Variants in COP1 observed in about 807,000 individuals in gnomAD.
COP1 encodes the protein COP1 E3 ubiquitin ligase.
Under a neutral mutation model 101.3 loss-of-function variants are expected in COP1, and 24 were observed. The ratio of observed to expected loss-of-function variants is 0.24; its 90% CI spans 0.17 to 0.33. COP1 has a LOEUF of 0.33. COP1 is among the 10% of genes least tolerant of loss of function. The probability of loss-of-function intolerance (pLI) is 1.00; values close to 1 mark genes in which losing one functional copy is unlikely to be tolerated. For synonymous variants in COP1, 347 were observed against 341.9 expected, an observed-to-expected ratio of 1.01 and a Z score of -0.17; for missense variants, 663 against 906.2, an observed-to-expected ratio of 0.73 and a Z score of 3.45.
chr1:176,013,040 T>C (rs1657611844), intron 15 of COP1, among the ~76,000 whole-genome samples: 1 of 152,192 alleles, frequency 6.6e-6, no homozygotes, highest in Non-Finnish European at 1.5e-5. Flanking sequence ...GTGACCATAG[T>C]ATATGCTTAT....
intron 18 of COP1, among the ~76,000 whole-genome samples, chr1:175,955,252 A>G (rs1235756164): frequency 6.6e-6 from 1 of 152,022 alleles, no homozygotes; most frequent in Admixed American, 6.5e-5. Flanking sequence ...CAAAACAAAA[A>G]AAAGAAAAAG....
chr1:176,012,959 C>T (rs935196837), intron 15 of COP1, among the ~76,000 whole-genome samples: 7 of 152,130 alleles, frequency 4.6e-5, no homozygotes, highest in African/African-American at 1.7e-4. Flanking sequence ...TAGGTATCCT[C>T]GGGGGAACTG....
chr1:176,076,326 A>G (rs906487544), intron 11 of COP1, among the ~76,000 whole-genome samples: 11 of 152,330 alleles, frequency 7.2e-5, no homozygotes, highest in African/African-American at 2.6e-4. Context: ...AGATCTCTCA[A>G]AACTACACAA....
intron 11 of COP1, among the ~76,000 whole-genome samples, chr1:176,059,282 A>C (rs1674425366): frequency 2.0e-5 from 3 of 152,184 alleles, no homozygotes; most frequent in African/African-American, 7.2e-5. Context: ...TGTGAACCTA[A>C]GAAAAAAATT....
intron 11 of COP1, among the ~76,000 whole-genome samples, chr1:176,058,987 A>C (rs977244434): frequency 2.6e-5 from 4 of 152,258 alleles, no homozygotes; most frequent in Non-Finnish European, 4.4e-5. Context: ...CTGAATGCTC[A>C]GACTGTGACA....
At chr1:176,185,060 G>A (rs1427988662) in intron 1 of COP1, among the ~76,000 whole-genome samples, 1 of 152,030 alleles carries the variant, frequency 6.6e-6, no homozygotes, top group East Asian at 1.9e-4. Context: ...AGCGTGTACC[G>A]AGACCTGCTA....
chr1:176,048,319 C>T (rs959614412), intron 11 of COP1, among the ~76,000 whole-genome samples: 1 of 149,832 alleles, frequency 6.7e-6, no homozygotes, highest in Non-Finnish European at 1.5e-5. Flanking sequence ...AGATTTCAGG[C>T]GTCAGACATG....
chr1:176,027,612 G>A lies in COP1; in HGVS notation c.1689C>T (p.Phe563=), dbSNP rs973728540. Reference sequence around the variant, plus strand: ...CCAAATGGTATCTGGAAGAGGGGCTGAATTTAACACAGCACACATTAGCCT... The same window carrying A: ...CCAAATGGTATCTGGAAGAGGGGCTAAATTTAACACAGCACACATTAGCCT... The part of the protein sequence containing the change: ...EAKANVCCVK[F]SPSSRYHLAF... Residue 563 remains phenylalanine, a synonymous_variant, in exon 15 of 20, where the codon TTC becomes TTT. Transcript: ENST00000367669. 3 of 1,613,602 alleles carry A rather than the reference G, an allele frequency of 1.9e-6. No individual in the cohort carries two copies. Among genetic ancestry groups the A allele is most frequent in the African/African-American group, 1.3e-5 (1 of 74,914 alleles).
intron 3 of COP1, among the ~76,000 whole-genome samples, chr1:176,170,937 AAC>A (rs1282444225): frequency 6.6e-6 from 1 of 151,968 alleles, no homozygotes; most frequent in Non-Finnish European, 1.5e-5. Flanking sequence ...CATCCTGGCT[AAC>A]ACAGTGAAAC....
intron 18 of COP1, among the ~76,000 whole-genome samples, chr1:175,976,100 A>G (rs1654473896): frequency 6.6e-6 from 1 of 152,032 alleles, no homozygotes; most frequent in African/African-American, 2.4e-5. Flanking sequence ...ACAAAACAAA[A>G]AACTTTGAGA....
chr1:176,202,874 G>C (rs367738161), intron 1 of COP1, among the ~76,000 whole-genome samples: 1 of 151,960 alleles, frequency 6.6e-6, no homozygotes, highest in Non-Finnish European at 1.5e-5. Flanking sequence ...AATGATACCA[G>C]GTTATGATAT....
intron 6 of COP1, among the ~76,000 whole-genome samples, chr1:176,146,102 T>C (rs761958957): frequency 6.6e-6 from 1 of 152,206 alleles, no homozygotes; most frequent in Non-Finnish European, 1.5e-5. Context: ...AGAACGATTA[T>C]ATTACAGTAA....
chr1:176,082,660 G>T (rs1425502281), intron 10 of COP1, among the ~76,000 whole-genome samples: 1 of 151,862 alleles, frequency 6.6e-6, no homozygotes, highest in Non-Finnish European at 1.5e-5. Context: ...TACAAAATTA[G>T]CCAGGTGTGC....
chr1:176,063,449 G>A (rs990467874), intron 11 of COP1, among the ~76,000 whole-genome samples: 1 of 152,094 alleles, frequency 6.6e-6, no homozygotes, highest in Non-Finnish European at 1.5e-5. Context: ...CTTCAGTAAA[G>A]GTGATTTTAA....
chr1:175,946,496 A>G (rs1234796659), intron 19 of COP1, among the ~76,000 whole-genome samples: 1 of 152,246 alleles, frequency 6.6e-6, no homozygotes, highest in Non-Finnish European at 1.5e-5. Context: ...TCAGCAGAGA[A>G]TATGTGGAAA....
chr1:176,124,201 A>G (rs1048483817), intron 8 of COP1, among the ~76,000 whole-genome samples: 1 of 152,114 alleles, frequency 6.6e-6, no homozygotes, highest in Admixed American at 6.6e-5. Context: ...GCAATATGTA[A>G]TATCACAACA....
At chr1:175,997,486 C>T (rs1349613370) in intron 15 of COP1, among the ~76,000 whole-genome samples, 2 of 151,940 alleles carry the variant, frequency 1.3e-5, no homozygotes, top group Non-Finnish European at 1.5e-5. Flanking sequence ...AGAAAATTTT[C>T]ACAACCTACT....
intron 5 of COP1, among the ~76,000 whole-genome samples, chr1:176,151,270 AAAGG>A (rs553409824): frequency 0.011 from 1,631 of 150,556 alleles, 14 homozygotes; most frequent in Non-Finnish European, 0.016. Context: ...AAAGAAAGAA[AAAGG>A]AAGGAAGGAA....
chr1:176,073,133 G>GATTAACCTCA (rs1677311152), intron 11 of COP1, among the ~76,000 whole-genome samples: 1 of 152,032 alleles, frequency 6.6e-6, no homozygotes, highest in African/African-American at 2.4e-5. Context: ...TGTAAAATGA[G>GATTAACCTCA]GTTAATAGCA....
Sources: gnomAD v4.1 joint callset for allele counts (sites outside exome capture counted in the v4.1 genomes callset) on GRCh38, gnomAD v4.1.1 for gene constraint, MANE v1.5 for transcripts, NCBI Gene and HGNC (gene_info 2026-07-23, HGNC 2026-07-21) for gene names.